Variants in KIAA0753 observed in about 807,000 individuals in gnomAD.
KIAA0753 encodes KIAA0753.
KIAA0753 carries 114 observed loss-of-function variants against 116.9 expected under a neutral mutation model. That is an observed-to-expected ratio of 0.98 (90% CI 0.84 to 1.14). The LOEUF (loss-of-function observed/expected upper bound fraction) is 1.14, where lower values mean the gene tolerates loss of function less well. Ranked by LOEUF, KIAA0753 falls within the 50% of genes most tolerant of loss-of-function variation. The pLI, the probability that KIAA0753 is intolerant of heterozygous loss-of-function variation, is 0.00. For synonymous variants in KIAA0753, 405 were observed against 413.1 expected (o/e 0.98, Z 0.24); for missense variants, 1,156 against 1,172.4 (o/e 0.99, Z 0.20).
At position 6,595,049 on chromosome 17, in the gene KIAA0753, T is replaced by G. The variant is rs770501065; in HGVS notation, c.2363A>C (p.Tyr788Ser). 1.3e-6 allele frequency: 2 copies of G among 1,595,100 alleles called. No homozygotes were observed. The highest frequency in any genetic ancestry group is 1.7e-6 in the Non-Finnish European group (2 of 1,170,720). ...ATATCTTTGACGAACAGACTCCTGGTATTTCTTTAAAAAAAAAGAAAAAAG... is the reference window on the plus strand; with the variant it reads ...ATATCTTTGACGAACAGACTCCTGGGATTTCTTTAAAAAAAAAGAAAAAAG... ...MMRRMEEMEK[Y>S]QESVRQRYNK... Residue 788 changes from tyrosine to serine, a missense_variant, in exon 16 of 19, where the codon TAC becomes TCC. Tyr to Ser is a moderately radical substitution (Grantham distance 144). Coordinates refer to ENST00000361413, the MANE Select transcript of KIAA0753 (RefSeq NM_014804.3).
At chr17:6,630,291 C>CCCAA (rs1479534782) in intron 2 of KIAA0753, among the ~76,000 whole-genome samples, 2 of 152,028 alleles carry the variant, frequency 1.3e-5, no homozygotes, top group Non-Finnish European at 2.9e-5. Context: ...CCATCTCTTA[C>CCCAA]CCAACCGATT....
rs1239809663 is a variant in KIAA0753, at chr17:6,635,004, G to T, written c.93+7C>A. The T allele has an allele frequency of 3.2e-6, 5 of 1,548,818 alleles. No individual in the cohort carries two copies. In the Admixed American group the frequency reaches 6.7e-5, roughly 21 times the overall value. Reference sequence around the variant, plus strand: ...ATAATAAAAATCTCAGGCAAAAATAGAACTACCTGGGTCTGAAGTACTTTG... The same window carrying T: ...ATAATAAAAATCTCAGGCAAAAATATAACTACCTGGGTCTGAAGTACTTTG... On this transcript the variant is annotated splice_region_variant and intron_variant, in intron 2 of 18. Transcript: ENST00000361413.
chr17:6,610,012 G>A lies in KIAA0753; in HGVS notation c.1694C>T (p.Pro565Leu), dbSNP rs376031379. 3 of 1,614,022 alleles carry A rather than the reference G, an allele frequency of 1.9e-6. No individual in the cohort carries two copies. In the South Asian group the frequency reaches 3.3e-5, roughly 18 times the overall value. ...CACATACCATTTAGGAGACGCTGGT[G>A]GGGATGTGGGGTTTGGGGGTATCCA... ...APWIPPNPTSPPASPKCAAWL... is the reference protein window; with the variant it reads ...APWIPPNPTSLPASPKCAAWL... The change falls in exon 9 of 19, where the codon CCA (proline) becomes CTA (leucine). Residue 565 changes from proline to leucine, a missense_variant. By Grantham distance (98) the Pro-to-Leu change is moderately conservative. Coordinates refer to ENST00000361413, the MANE Select transcript of KIAA0753 (RefSeq NM_014804.3).
At chr17:6,609,833 C>A (rs762963961) in intron 9 of KIAA0753, among the ~76,000 whole-genome samples, 161 bp downstream of exon 9, 3 of 152,122 alleles carry the variant, frequency 2.0e-5, no homozygotes, top group Non-Finnish European at 2.9e-5. Flanking sequence ...AGCTTCCAGA[C>A]AAAGACTTCT....
At chr17:6,603,396 G>C (rs764417183) in intron 12 of KIAA0753, among the ~76,000 whole-genome samples, 4 of 152,190 alleles carry the variant, frequency 2.6e-5, no homozygotes, top group Non-Finnish European at 5.9e-5. Flanking sequence ...ATGAATCTGA[G>C]ATACCCTGGG....
chr17:6,616,523 G>A (rs1227919365), intron 7 of KIAA0753, among the ~76,000 whole-genome samples: 1 of 152,120 alleles, frequency 6.6e-6, no homozygotes, highest in African/African-American at 2.4e-5. Context: ...CCATTTTACA[G>A]ATAAAAAACT....
intron 8 of KIAA0753, 46 bp downstream of exon 8, chr17:6,611,873 T>A: frequency 6.6e-7 from 1 of 1,523,586 alleles, no homozygotes; most frequent in Middle Eastern, 1.7e-4. Flanking sequence ...ACCTTGACAA[T>A]GTCAGATTAA....
At chr17:6,627,631 TCA>T (rs1971754017) in intron 3 of KIAA0753, among the ~76,000 whole-genome samples, 2 of 152,214 alleles carry the variant, frequency 1.3e-5, no homozygotes, top group South Asian at 4.1e-4. Context: ...TACCCTGTGC[TCA>T]CTTTACACAT....
chr17:6,615,542 G>A (rs1173670523), intron 7 of KIAA0753, among the ~76,000 whole-genome samples: 2 of 144,916 alleles, frequency 1.4e-5, no homozygotes, highest in African/African-American at 5.1e-5. Context: ...GTGAACCCGC[G>A]AGGCGTAGCT....
chr17:6,628,539 T>C lies in KIAA0753; in HGVS notation c.296A>G (p.Tyr99Cys). The change falls in exon 3 of 19, where the codon TAT becomes TGT. Residue 99 changes from tyrosine (Y) to cysteine (C), a missense_variant. Transcript: ENST00000361413. Reference protein sequence around the residue: ...FSVISQERLSYAVHLARRDVK... With the variant: ...FSVISQERLSCAVHLARRDVK... ...ATCTCTTCTGGCTAGGTGGACAGCA[T>C]AGCTAAGTCTCTCTTGGGATATGAC... 2 of 1,614,232 alleles carry C rather than the reference T, an allele frequency of 1.2e-6. No homozygotes were observed. Among genetic ancestry groups the C allele is most frequent in the Non-Finnish European group, 1.7e-6 (2 of 1,180,032 alleles).
Position 6,608,392 on chromosome 17 carries a change from T to C in KIAA0753, c.1785A>G (p.Gln595=). ...CAGCACCTGTCAGGTGACTTTCCTCTTGAGGATCTTCTTGCTGGAGAGGCT... is the reference window on the plus strand; with the variant it reads ...CAGCACCTGTCAGGTGACTTTCCTCCTGAGGATCTTCTTGCTGGAGAGGCT... ...TKEPLQQEDP[Q]EESHLTGAVE... The change falls in exon 10 of 19, where the codon CAA becomes CAG. Residue 595 remains glutamine, a synonymous_variant. Transcript: ENST00000361413. 14 of 1,562,492 alleles carry C rather than the reference T, an allele frequency of 9.0e-6. No homozygotes were observed. The highest frequency in any genetic ancestry group is 1.1e-5 in the Non-Finnish European group (13 of 1,149,278).
chr17:6,634,332 G>A (rs1972182101), intron 2 of KIAA0753, among the ~76,000 whole-genome samples: 1 of 152,134 alleles, frequency 6.6e-6, no homozygotes, highest in Admixed American at 6.5e-5. Context: ...TCGAACTCCT[G>A]ACCTCTGGTG....
intron 15 of KIAA0753, among the ~76,000 whole-genome samples, chr17:6,595,859 G>C (rs1969432366): frequency 6.6e-6 from 1 of 152,208 alleles, no homozygotes; most frequent in Non-Finnish European, 1.5e-5. Flanking sequence ...CCAGGCCCTG[G>C]TCTCAGGGTC....
At chr17:6,590,973 CGAA>C (rs1178286788) in intron 16 of KIAA0753, among the ~76,000 whole-genome samples, 15 of 127,600 alleles carry the variant, frequency 1.2e-4, no homozygotes, top group Admixed American at 4.2e-4. Context: ...CCTTTAAATG[CGAA>C]GAAGAAGAAG....
At chr17:6,584,967 A>G (rs531768168) in intron 18 of KIAA0753, among the ~76,000 whole-genome samples, 2 of 151,358 alleles carry the variant, frequency 1.3e-5, no homozygotes, top group Admixed American at 1.3e-4. Context: ...ATGCCCAGCT[A>G]ATTTTTTGTT....
chr17:6,626,480 G>C (rs932952340), intron 3 of KIAA0753, among the ~76,000 whole-genome samples: 1 of 152,174 alleles, frequency 6.6e-6, no homozygotes, highest in Non-Finnish European at 1.5e-5. Flanking sequence ...CTGCATGGTA[G>C]GGGAAAATCC....
chr17:6,583,050 C>G (rs1968297510), intron 18 of KIAA0753, among the ~76,000 whole-genome samples: 1 of 152,228 alleles, frequency 6.6e-6, no homozygotes, highest in African/African-American at 2.4e-5. Flanking sequence ...GACCTTCCAT[C>G]TGTGACTGTT....
At position 6,623,884 on chromosome 17, in the gene KIAA0753, G is replaced by A. The variant is rs933916573; in HGVS notation, c.826-313C>T. The A allele has an allele frequency of 4.3e-5, 10 of 233,206 alleles. No individual in the cohort carries two copies. In the East Asian group the frequency reaches 5.9e-4, roughly 14 times the overall value. 14.4% of individuals were successfully genotyped at this position (233,206 alleles called of 1,614,324 possible). ...CGGATCGTGAAGTCTTACATGCCAC[G>A]CTGAAGAGTTTAGCTTTCATCCTCT... On this transcript the variant is annotated intron_variant, in intron 4 of 18. Coordinates refer to ENST00000361413, the MANE Select transcript of KIAA0753 (RefSeq NM_014804.3).
At chr17:6,621,121 C>A in intron 6 of KIAA0753, 123 bp from the exon 7 acceptor site, 1 of 788,686 alleles carries the variant, frequency 1.3e-6, no homozygotes, top group South Asian at 1.6e-5. Flanking sequence ...TAACAGTTAA[C>A]ACAATCTTAA....
Sources: gnomAD v4.1 joint callset for allele counts (sites outside exome capture counted in the v4.1 genomes callset) on GRCh38, gnomAD v4.1.1 for gene constraint, MANE v1.5 for transcripts, NCBI Gene and HGNC (gene_info 2026-07-23, HGNC 2026-07-21) for gene names.